EIPR1: variants seen among roughly 807,000 people sequenced by gnomAD.
The protein encoded by EIPR1 is EARP and GARP complex-interacting protein 1.
Under a neutral mutation model 48.1 loss-of-function variants are expected in EIPR1, and 25 were observed. That is an observed-to-expected ratio of 0.52 (90% CI 0.38 to 0.73). EIPR1 has a LOEUF of 0.73. Among genes scored for constraint, EIPR1 ranks in the 30% least tolerant of loss-of-function variants. The pLI is 0.00. For missense variants in EIPR1, 415 were observed against 506.2 expected (o/e 0.82, Z 1.73); for synonymous variants, 204 against 201.9 (o/e 1.01, Z -0.09).
intron 6 of EIPR1, among the ~76,000 whole-genome samples, chr2:3,194,834 G>A (rs1055941130): frequency 6.6e-6 from 1 of 152,124 alleles, no homozygotes; most frequent in African/African-American, 2.4e-5. Context: ...TGCCAGCTGG[G>A]CTTGCCATTC....
intron 2 of EIPR1, among the ~76,000 whole-genome samples, chr2:3,346,269 C>T (rs920904137): frequency 1.3e-5 from 2 of 152,238 alleles, no homozygotes; most frequent in Non-Finnish European, 2.9e-5. Context: ...TTGATATGGA[C>T]ACCAGGGAAT....
chr2:3,265,273 T>C (rs899574275), intron 3 of EIPR1, among the ~76,000 whole-genome samples: 6 of 152,152 alleles, frequency 3.9e-5, no homozygotes, highest in African/African-American at 1.4e-4. Flanking sequence ...GTAAGGAGTG[T>C]GCTTGGGGCT....
At chr2:3,299,687 A>G (rs1668712295) in intron 3 of EIPR1, among the ~76,000 whole-genome samples, 1 of 150,848 alleles carries the variant, frequency 6.6e-6, no homozygotes, top group African/African-American at 2.4e-5. Context: ...CGTGTAAGCT[A>G]TGTAAGCTCT....
intron 7 of EIPR1, among the ~76,000 whole-genome samples, chr2:3,193,123 A>G (rs1052837212): frequency 3.3e-5 from 5 of 152,348 alleles, no homozygotes; most frequent in African/African-American, 1.2e-4. Context: ...TCCAGGGCCC[A>G]GGTGGCAGAC....
At chr2:3,370,898 A>T (rs1671098258) in intron 1 of EIPR1, among the ~76,000 whole-genome samples, 1 of 152,108 alleles carries the variant, frequency 6.6e-6, no homozygotes, top group Non-Finnish European at 1.5e-5. Context: ...TGCCACAAAG[A>T]TACTCCTCGA....
chr2:3,371,683 T>C (rs1229966530), intron 1 of EIPR1, among the ~76,000 whole-genome samples: 1 of 152,196 alleles, frequency 6.6e-6, no homozygotes, highest in African/African-American at 2.4e-5. Flanking sequence ...AAGAGCTAAC[T>C]ATCCTAAATA....
intron 5 of EIPR1, chr2:3,208,183 GA>G (rs1665299614): frequency 4.5e-6 from 1 of 220,730 alleles, no homozygotes; most frequent in African/African-American, 2.3e-5. Context: ...TTATTTACCA[GA>G]TTTTGTTCCA....
chr2:3,232,593 T>C (rs1558239489), intron 4 of EIPR1, among the ~76,000 whole-genome samples: 2 of 152,194 alleles, frequency 1.3e-5, no homozygotes, highest in Non-Finnish European at 2.9e-5. Flanking sequence ...AGAATTTACG[T>C]TGAGGTGCAT....
chr2:3,373,351 A>C (rs1226926274), intron 1 of EIPR1, among the ~76,000 whole-genome samples: 1 of 152,070 alleles, frequency 6.6e-6, no homozygotes, highest in Non-Finnish European at 1.5e-5. Flanking sequence ...CACCACTCCT[A>C]TTCAACATAG....
intron 3 of EIPR1, among the ~76,000 whole-genome samples, chr2:3,277,194 A>G (rs1004892094): frequency 2.2e-5 from 3 of 134,430 alleles, no homozygotes; most frequent in Non-Finnish European, 3.3e-5. Flanking sequence ...ACGCGGCCCC[A>G]CACCTGTCTC....
chr2:3,277,962 C>T (rs1417561345), intron 3 of EIPR1, among the ~76,000 whole-genome samples: 1 of 152,196 alleles, frequency 6.6e-6, no homozygotes, highest in African/African-American at 2.4e-5. Context: ...GGGGCACAAG[C>T]CAGTCAGGGC....
intron 3 of EIPR1, among the ~76,000 whole-genome samples, chr2:3,330,957 G>A (rs1669875972): frequency 1.3e-5 from 2 of 151,854 alleles, no homozygotes; most frequent in African/African-American, 4.8e-5. Context: ...TGTGAGCAGA[G>A]GCAAGCGCAT....
At chr2:3,375,912 T>C (rs1252534666) in intron 1 of EIPR1, among the ~76,000 whole-genome samples, 1 of 152,222 alleles carries the variant, frequency 6.6e-6, no homozygotes, top group Non-Finnish European at 1.5e-5. Flanking sequence ...TAGCCACTGG[T>C]CAAATCCTAT....
chr2:3,189,623 G>T lies in EIPR1; in HGVS notation c.990-115C>A. On this transcript the variant is annotated intron_variant, in intron 8 of 8. Coordinates refer to ENST00000382125, the MANE Select transcript of EIPR1 (RefSeq NM_003310.5). This position sits in a 1 kb window ranked among gnomAD's most constrained non-coding sequence, Gnocchi z 4.6. ...AGACACGGGAGGTACTGGGGCCTCA[G>T]CTTTCTCCGCTGTGGGATGGGAAGA... The T allele has an allele frequency of 1.0e-6, 1 of 987,520 alleles. No homozygotes were observed. The allele number at this position is 987,520 out of a possible 1,614,324, so 61.2% of individuals were successfully genotyped here. A position where few individuals can be genotyped will look rare whatever the true frequency, so the allele number is the denominator to read the frequency against.
chr2:3,236,413 C>T (rs554096731), intron 4 of EIPR1, among the ~76,000 whole-genome samples: 1 of 152,294 alleles, frequency 6.6e-6, no homozygotes, highest in Admixed American at 6.5e-5. Flanking sequence ...CTGATGACAG[C>T]CATGAGAGCT....
At chr2:3,340,047 G>T (rs945050046) in intron 2 of EIPR1, among the ~76,000 whole-genome samples, 1 of 152,232 alleles carries the variant, frequency 6.6e-6, no homozygotes, top group Non-Finnish European at 1.5e-5. Context: ...CGCCATGATT[G>T]GAAGTTTCCT....
chr2:3,372,145 T>C (rs1430263354), intron 1 of EIPR1, among the ~76,000 whole-genome samples: 9 of 150,664 alleles, frequency 6.0e-5, no homozygotes, highest in East Asian at 3.9e-4. Context: ...GGGTACATAA[T>C]GAAATGAAGG....
chr2:3,191,049 G>A (rs907836546), intron 8 of EIPR1, among the ~76,000 whole-genome samples: 7 of 152,228 alleles, frequency 4.6e-5, no homozygotes, highest in Admixed American at 1.3e-4. Flanking sequence ...AGCCATGATC[G>A]TGCCACTGCA....
chr2:3,209,614 C>T (rs1214436753), intron 5 of EIPR1, among the ~76,000 whole-genome samples: 2 of 152,164 alleles, frequency 1.3e-5, no homozygotes, highest in Non-Finnish European at 2.9e-5. Context: ...AGGGACAATG[C>T]ATAAAAGGAA....
Sources: allele counts gnomAD v4.1 joint callset (sites outside exome capture counted in the v4.1 genomes callset), GRCh38; gene constraint gnomAD v4.1.1; non-coding constraint Gnocchi (gnomAD v3.1); transcripts MANE v1.5; gene names NCBI Gene and HGNC (gene_info 2026-07-23, HGNC 2026-07-21).